Variants in FARS2 observed in about 807,000 individuals in gnomAD.
FARS2 encodes the protein phenylalanyl-tRNA synthetase 2, mitochondrial.
FARS2 carries 40 observed loss-of-function variants against 46.4 expected under a neutral mutation model. That is an observed-to-expected ratio of 0.86 (90% CI 0.67 to 1.12). The LOEUF (loss-of-function observed/expected upper bound fraction) is 1.12. Among genes scored for constraint, FARS2 ranks in the 50% most tolerant of loss-of-function variants. The pLI, the probability that FARS2 is intolerant of heterozygous loss-of-function variation, is 0.00. For missense variants in FARS2, 513 were observed against 567.9 expected, an observed-to-expected ratio of 0.90 and a Z score of 0.98; for synonymous variants, 234 against 214.9, an observed-to-expected ratio of 1.09 and a Z score of -0.78.
At chr6:5,388,654 T>C (rs1356652390) in intron 2 of FARS2, among the ~76,000 whole-genome samples, 1 of 152,174 alleles carries the variant, frequency 6.6e-6, no homozygotes, top group African/African-American at 2.4e-5. Flanking sequence ...AGACCCTGTT[T>C]TAGTTCCTGT....
intron 1 of FARS2, among the ~76,000 whole-genome samples, chr6:5,353,254 A>G (rs1335914895): frequency 6.6e-6 from 1 of 152,240 alleles, no homozygotes; most frequent in Non-Finnish European, 1.5e-5. Context: ...ATGGCTGAAT[A>G]GTATTTCATT....
intron 4 of FARS2, among the ~76,000 whole-genome samples, chr6:5,476,650 T>C (rs1354999842): frequency 6.6e-6 from 1 of 152,074 alleles, no homozygotes; most frequent in Non-Finnish European, 1.5e-5. Context: ...GGGGAGGGGT[T>C]GGAGAGGGCT....
At chr6:5,400,982 G>T (rs970600933) in intron 2 of FARS2, among the ~76,000 whole-genome samples, 1 of 151,864 alleles carries the variant, frequency 6.6e-6, no homozygotes, top group Non-Finnish European at 1.5e-5. Flanking sequence ...TTTTAAGAAT[G>T]CTATGCTTGC....
intron 1 of FARS2, among the ~76,000 whole-genome samples, chr6:5,364,896 G>A (rs1446604025): frequency 6.6e-6 from 1 of 152,140 alleles, no homozygotes; most frequent in African/African-American, 2.4e-5. Flanking sequence ...GCCGGGCATA[G>A]TGGCTTGCAC....
chr6:5,392,925 C>CATATGTGTGTGCATATATTAT (rs1554175098), intron 2 of FARS2, among the ~76,000 whole-genome samples: 1 of 91,636 alleles, frequency 1.1e-5, no homozygotes, highest in Non-Finnish European at 2.2e-5. Flanking sequence ...TGTATATATA[C>CATATGTGTGTGCATATATTAT]ATATATGTGT....
At chr6:5,745,122 GAGTT>G (rs1384708710) in intron 6 of FARS2, among the ~76,000 whole-genome samples, 1 of 152,248 alleles carries the variant, frequency 6.6e-6, no homozygotes, top group Non-Finnish European at 1.5e-5. Context: ...AAAACTGACT[GAGTT>G]AGGGCGATAG....
intron 5 of FARS2, among the ~76,000 whole-genome samples, chr6:5,577,310 A>G (rs781195714): frequency 1.3e-5 from 2 of 151,984 alleles, no homozygotes; most frequent in East Asian, 1.9e-4. Context: ...AATCCAAGGT[A>G]TTGATATAAA....
chr6:5,735,180 A>G (rs1279136964), intron 6 of FARS2, among the ~76,000 whole-genome samples: 1 of 152,266 alleles, frequency 6.6e-6, no homozygotes, highest in East Asian at 1.9e-4. Flanking sequence ...TTATACATTT[A>G]TTATAGAATT....
intron 6 of FARS2, among the ~76,000 whole-genome samples, chr6:5,621,763 G>A (rs1438662158): frequency 6.6e-6 from 1 of 152,140 alleles, no homozygotes; most frequent in Non-Finnish European, 1.5e-5. Context: ...ACTCATGGTG[G>A]GTACTTTAAG....
chr6:5,474,705 G>A (rs951650085), intron 4 of FARS2, among the ~76,000 whole-genome samples: 68 of 129,202 alleles, frequency 5.3e-4, no homozygotes, highest in African/African-American at 1.7e-3. Context: ...CTGTCGCCCC[G>A]GCTGGAGTGC....
chr6:5,421,512 C>T (rs767755716), intron 3 of FARS2, among the ~76,000 whole-genome samples: 3 of 152,190 alleles, frequency 2.0e-5, no homozygotes, highest in Non-Finnish European at 4.4e-5. Flanking sequence ...TCTTTTCTAT[C>T]GCATTGTCAG....
intron 6 of FARS2, among the ~76,000 whole-genome samples, chr6:5,668,384 T>C (rs1483334962): frequency 2.0e-5 from 3 of 152,212 alleles, no homozygotes; most frequent in African/African-American, 7.2e-5. Flanking sequence ...GGAATGACTA[T>C]TGGACACCCA....
chr6:5,537,279 C>T (rs1770264202), intron 4 of FARS2, among the ~76,000 whole-genome samples: 2 of 152,222 alleles, frequency 1.3e-5, no homozygotes, highest in South Asian at 4.1e-4. Context: ...TTCCCCAGTG[C>T]CTTCCACAGA....
chr6:5,289,793 A>G (rs1266327967), intron 1 of FARS2, among the ~76,000 whole-genome samples: 1 of 152,194 alleles, frequency 6.6e-6, no homozygotes, highest in Non-Finnish European at 1.5e-5. Context: ...CCACATGGAG[A>G]AGAGCAGGGA....
chr6:5,612,347 T>C (rs7755407), intron 5 of FARS2, among the ~76,000 whole-genome samples: 5,433 of 152,310 alleles, frequency 0.036, 305 homozygotes, highest in African/African-American at 0.12. Flanking sequence ...AGCAGATATT[T>C]CCTTAGGATT....
At chr6:5,346,364 C>T (rs1581841667) in intron 1 of FARS2, among the ~76,000 whole-genome samples, 1 of 152,216 alleles carries the variant, frequency 6.6e-6, no homozygotes, top group South Asian at 2.1e-4. Context: ...TCATTGGAGT[C>T]ATTAAAATTA....
intron 4 of FARS2, among the ~76,000 whole-genome samples, chr6:5,473,207 G>A (rs897021732): frequency 2.6e-5 from 4 of 152,166 alleles, no homozygotes; most frequent in Admixed American, 6.5e-5. Context: ...ACTCACGCAT[G>A]TTGGATACAC....
At chr6:5,510,104 T>G (rs1768345687) in intron 4 of FARS2, among the ~76,000 whole-genome samples, 1 of 151,978 alleles carries the variant, frequency 6.6e-6, no homozygotes, top group Non-Finnish European at 1.5e-5. Flanking sequence ...AAGGCTGGGG[T>G]TTGGAGGGGT....
chr6:5,387,978 T>C (rs1371535956), intron 2 of FARS2, among the ~76,000 whole-genome samples: 1 of 152,242 alleles, frequency 6.6e-6, no homozygotes, highest in Non-Finnish European at 1.5e-5. Context: ...CCATATTCAG[T>C]TTATCCTATT....
Sources: gnomAD v4.1 joint callset for allele counts (sites outside exome capture counted in the v4.1 genomes callset) on GRCh38, gnomAD v4.1.1 for gene constraint, MANE v1.5 for transcripts, NCBI Gene and HGNC (gene_info 2026-07-23, HGNC 2026-07-21) for gene names.